CDH8: variants seen among roughly 807,000 people sequenced by gnomAD.
The protein encoded by CDH8 is cadherin-8.
Under a neutral mutation model 68.1 loss-of-function variants are expected in CDH8, and 17 were observed. The observed-to-expected ratio is 0.25, with a 90% confidence interval of 0.17 to 0.37. The LOEUF (loss-of-function observed/expected upper bound fraction) is 0.37, where lower values mean the gene tolerates loss of function less well. Among genes scored for constraint, CDH8 ranks in the 10% least tolerant of loss-of-function variants. The probability of loss-of-function intolerance (pLI) is 1.00; values close to 1 mark genes in which losing one functional copy is unlikely to be tolerated. For missense variants in CDH8, 763 were observed against 999.3 expected (o/e 0.76, Z 3.19); for synonymous variants, 372 against 365.1 (o/e 1.02, Z -0.21).
At chr16:61,673,494 A>G (rs2142783375) in intron 10 of CDH8, among the ~76,000 whole-genome samples, 1 of 152,220 alleles carries the variant, frequency 6.6e-6, no homozygotes, top group Non-Finnish European at 1.5e-5. Flanking sequence ...CCCCTTCCAA[A>G]TTCCATGATA....
At chr16:61,899,841 C>G (rs1278597585) in intron 3 of CDH8, among the ~76,000 whole-genome samples, 1 of 150,970 alleles carries the variant, frequency 6.6e-6, no homozygotes, top group Non-Finnish European at 1.5e-5. Flanking sequence ...GACACACACA[C>G]ACACACACAC....
intron 2 of CDH8, among the ~76,000 whole-genome samples, chr16:61,954,672 G>A (rs571766638): frequency 6.9e-6 from 1 of 144,802 alleles, no homozygotes; most frequent in African/African-American, 2.6e-5. Flanking sequence ...CTGTACTCCA[G>A]CCTGGGCAAC....
At chr16:61,709,012 T>G (rs1387702511) in intron 10 of CDH8, among the ~76,000 whole-genome samples, 1 of 152,146 alleles carries the variant, frequency 6.6e-6, no homozygotes, top group African/African-American at 2.4e-5. Flanking sequence ...ATTAAGATAT[T>G]AACTATCATA....
At position 61,647,397 on chromosome 16, in the gene CDH8, G is replaced by T. The variant is rs1420154694; in HGVS notation, c.*6211C>A. 6.5e-6 allele frequency: 1 copy of T among 154,812 alleles called. No individual in the cohort carries two copies. The highest frequency in any genetic ancestry group is 1.4e-5 in the Non-Finnish European group (1 of 70,018). 9.6% of individuals were successfully genotyped at this position (154,812 alleles called of 1,614,324 possible). ...CAAAGATGACAGCTCTCGAACTTTA[G>T]AGGTTAAGTTAAAGAAAAATTAGAA... On this transcript the variant is annotated 3_prime_UTR_variant, in exon 12 of 12. Coordinates refer to ENST00000577390, the MANE Select transcript of CDH8 (RefSeq NM_001796.5).
At chr16:61,882,732 G>A (rs1346570262) in intron 3 of CDH8, among the ~76,000 whole-genome samples, 1 of 152,152 alleles carries the variant, frequency 6.6e-6, no homozygotes, top group Non-Finnish European at 1.5e-5. Flanking sequence ...AGGGTGAAGG[G>A]TGGGAAGAAG....
chr16:61,712,506 C>T (rs1964649601), intron 10 of CDH8, among the ~76,000 whole-genome samples: 1 of 151,586 alleles, frequency 6.6e-6, no homozygotes, highest in Non-Finnish European at 1.5e-5. Flanking sequence ...AAACACGGAC[C>T]ACACTTATGC....
At chr16:61,979,071 A>C (rs1288174066) in intron 2 of CDH8, among the ~76,000 whole-genome samples, 1 of 151,722 alleles carries the variant, frequency 6.6e-6, no homozygotes, top group Non-Finnish European at 1.5e-5. Context: ...AAAAAAAAGC[A>C]GAGAGAAATA....
intron 8 of CDH8, among the ~76,000 whole-genome samples, chr16:61,782,584 A>G (rs1425706279): frequency 2.6e-5 from 4 of 151,830 alleles, no homozygotes; most frequent in East Asian, 2.0e-4. Flanking sequence ...GGTGGAGCCC[A>G]CCACAGCTCA....
chr16:62,000,471 A>T (rs1965876696), intron 2 of CDH8, among the ~76,000 whole-genome samples: 1 of 152,216 alleles, frequency 6.6e-6, no homozygotes, highest in Admixed American at 6.5e-5. Context: ...CTCATGCTGC[A>T]TCTTTTCTGA....
chr16:61,653,757 C>CT lies in CDH8; in HGVS notation c.2250dup (p.Gly751ArgfsTer24). 6.2e-7 allele frequency: 1 copy of CT among 1,614,148 alleles called. No individual in the cohort carries two copies. Among genetic ancestry groups the CT allele is most frequent in the Non-Finnish European group, 8.5e-7 (1 of 1,180,038 alleles). On this transcript the variant is annotated frameshift_variant, in exon 12 of 12. Transcript: ENST00000577390. LOFTEE classifies it high-confidence loss of function. ...AGGGAGCCAGCCACTGACCCTCGGCCTTCATAGCCATATATCTGAATGGAG... is the reference window on the plus strand; with the variant it reads ...AGGGAGCCAGCCACTGACCCTCGGCCTTTCATAGCCATATATCTGAATGGAG...
At chr16:61,872,534 T>C (rs1425652816) in intron 3 of CDH8, among the ~76,000 whole-genome samples, 1 of 152,188 alleles carries the variant, frequency 6.6e-6, no homozygotes, top group Admixed American at 6.5e-5. Flanking sequence ...TAAGTGGTTG[T>C]AGGGACCAAA....
intron 2 of CDH8, among the ~76,000 whole-genome samples, chr16:61,960,318 T>A (rs1331448826): frequency 1.1e-5 from 1 of 89,590 alleles, no homozygotes; most frequent in Non-Finnish European, 2.0e-5. Flanking sequence ...CACACATATA[T>A]ACGTGTGTGT....
intron 2 of CDH8, among the ~76,000 whole-genome samples, chr16:61,901,844 A>T (rs977491635): frequency 6.6e-5 from 10 of 152,266 alleles, no homozygotes; most frequent in African/African-American, 2.4e-4. Flanking sequence ...TATGCCCAGG[A>T]CTAGGTGAAT....
intron 2 of CDH8, among the ~76,000 whole-genome samples, chr16:61,946,774 C>G (rs975920908): frequency 6.6e-6 from 1 of 152,236 alleles, no homozygotes; most frequent in Non-Finnish European, 1.5e-5. Flanking sequence ...CACAAAGCAA[C>G]TTGCCCAAGT....
chr16:61,679,982 G>GTGAA (rs1426479088), intron 10 of CDH8, among the ~76,000 whole-genome samples: 1 of 151,958 alleles, frequency 6.6e-6, no homozygotes, highest in Non-Finnish European at 1.5e-5. Context: ...TTTGTGTTCT[G>GTGAA]TGAATATAAG....
intron 2 of CDH8, among the ~76,000 whole-genome samples, chr16:61,929,450 G>A (rs1051688593): frequency 6.6e-6 from 1 of 152,090 alleles, no homozygotes; most frequent in East Asian, 1.9e-4. Context: ...GAAAGGGTTG[G>A]CTGTTCGCCT....
intron 4 of CDH8, among the ~76,000 whole-genome samples, chr16:61,849,673 C>A (rs115580845): frequency 1.1e-3 from 171 of 152,226 alleles, no homozygotes; most frequent in African/African-American, 4.0e-3. Flanking sequence ...GTAACTTTCC[C>A]AGCAATAGTC....
intron 4 of CDH8, among the ~76,000 whole-genome samples, chr16:61,850,067 T>G (rs991995561): frequency 6.6e-6 from 1 of 152,098 alleles, no homozygotes; most frequent in African/African-American, 2.4e-5. Flanking sequence ...TGTGTTGCTA[T>G]AAAGGAATAC....
chr16:61,694,002 T>C (rs1964281196), intron 10 of CDH8, among the ~76,000 whole-genome samples: 1 of 152,178 alleles, frequency 6.6e-6, no homozygotes, highest in African/African-American at 2.4e-5. Context: ...ATTTTTATGA[T>C]AGGCATTACT....
Sources: gnomAD v4.1 joint callset for allele counts (sites outside exome capture counted in the v4.1 genomes callset) on GRCh38, gnomAD v4.1.1 for gene constraint, MANE v1.5 for transcripts, NCBI Gene and HGNC (gene_info 2026-07-23, HGNC 2026-07-21) for gene names.